Variants in COMMD1 observed in about 807,000 individuals in gnomAD.
COMMD1 encodes COMM domain-containing protein 1.
COMMD1 carries 10 observed loss-of-function variants against 17.2 expected under a neutral mutation model. That is an observed-to-expected ratio of 0.58 (90% confidence interval 0.36 to 0.99). COMMD1 has a LOEUF of 0.99. COMMD1 is among the 50% of genes least tolerant of loss of function. The probability of loss-of-function intolerance (pLI) is 0.01; values close to 1 mark genes in which losing one functional copy is unlikely to be tolerated. For missense variants in COMMD1, 270 were observed against 231.8 expected (o/e 1.17, Z -1.07); for synonymous variants, 97 against 91.6 (o/e 1.06, Z -0.34).
intron 2 of COMMD1, among the ~76,000 whole-genome samples, chr2:62,040,438 T>C (rs1670158063): frequency 6.6e-6 from 1 of 152,192 alleles, no homozygotes; most frequent in African/African-American, 2.4e-5. Flanking sequence ...TTATAAAATA[T>C]ATCTTTTACT....
chr2:61,974,749 G>T (rs6757094), intron 1 of COMMD1, among the ~76,000 whole-genome samples: 18,996 of 151,564 alleles, frequency 0.13, 2,898 homozygotes, highest in African/African-American at 0.36. Flanking sequence ...AAAAACTGAA[G>T]GGAAAATACA....
chr2:61,986,759 AGG>A (rs1395265622), intron 1 of COMMD1, among the ~76,000 whole-genome samples: 2 of 151,534 alleles, frequency 1.3e-5, no homozygotes, highest in Non-Finnish European at 2.9e-5. Flanking sequence ...ATTAGAGACC[AGG>A]TTTTGCCATG....
intron 2 of COMMD1, among the ~76,000 whole-genome samples, chr2:62,090,230 A>G (rs1428149603): frequency 6.6e-5 from 10 of 152,218 alleles, no homozygotes; most frequent in Admixed American, 5.9e-4. Flanking sequence ...CACCATAAAG[A>G]TAGCAAAGAT....
chr2:62,127,283 C>T (rs547940260), intron 2 of COMMD1, among the ~76,000 whole-genome samples: 3 of 152,040 alleles, frequency 2.0e-5, no homozygotes, highest in South Asian at 2.1e-4. Flanking sequence ...ATCAATATTG[C>T]GAAAATGGCC....
At chr2:61,893,167 T>C (rs1372928667) in intron 1 of COMMD1, among the ~76,000 whole-genome samples, 1 of 151,914 alleles carries the variant, frequency 6.6e-6, no homozygotes. Flanking sequence ...ATGCCTGGCC[T>C]CATTCTATGT....
chr2:61,928,837 C>T (rs1670392677), intron 1 of COMMD1: 1 of 152,076 alleles, frequency 6.6e-6, no homozygotes, highest in Non-Finnish European at 1.5e-5. Context: ...TGAAGCAGGT[C>T]CCAAGATCCT....
intron 1 of COMMD1, 139 bp downstream of exon 1, chr2:61,905,997 A>G: frequency 1.2e-6 from 1 of 810,584 alleles, no homozygotes; most frequent in East Asian, 2.6e-5. Flanking sequence ...TGGGCTCCAC[A>G]TCGGGCTCCT....
intron 2 of COMMD1, among the ~76,000 whole-genome samples, chr2:62,125,597 T>TA (rs887343127): frequency 9.9e-5 from 15 of 151,772 alleles, no homozygotes; most frequent in African/African-American, 1.2e-4. Flanking sequence ...AGTTATTGTT[T>TA]AAAAAAAAAC....
chr2:61,962,172 G>C (rs1234782626), intron 1 of COMMD1, among the ~76,000 whole-genome samples: 2 of 152,174 alleles, frequency 1.3e-5, no homozygotes, highest in Non-Finnish European at 2.9e-5. Flanking sequence ...CTTACAGTCA[G>C]TATCTGTTAA....
chr2:61,961,577 T>A (rs957476520), intron 1 of COMMD1, among the ~76,000 whole-genome samples: 1 of 152,200 alleles, frequency 6.6e-6, no homozygotes, highest in African/African-American at 2.4e-5. Flanking sequence ...AAAAGAAGTT[T>A]CCCATTTCTC....
chr2:62,104,172 G>T (rs965621299), intron 2 of COMMD1, among the ~76,000 whole-genome samples: 2 of 152,138 alleles, frequency 1.3e-5, no homozygotes, highest in East Asian at 3.8e-4. Context: ...CTTGTTATAG[G>T]ATAGTAATAT....
chr2:61,985,201 C>T (rs1255082539), intron 1 of COMMD1, among the ~76,000 whole-genome samples: 1 of 152,094 alleles, frequency 6.6e-6, no homozygotes, highest in Non-Finnish European at 1.5e-5. Context: ...CAGGCGCCCA[C>T]CACCACGCCT....
chr2:61,890,417 C>T (rs868483735), intron 1 of COMMD1, among the ~76,000 whole-genome samples: 2 of 152,100 alleles, frequency 1.3e-5, no homozygotes, highest in African/African-American at 4.8e-5. Flanking sequence ...CGGGGTTTCT[C>T]CATGTTGGAC....
Position 62,041,950 on chromosome 2 carries a change from T to C in COMMD1, c.462+40968T>C, listed in dbSNP as rs1042185783. On this transcript the variant is annotated intron_variant, in intron 2 of 2. Transcript: ENST00000311832. ...GAGTGAAAGAACTAAGCTTCCACAC[T>C]GTGGAAGAGGACCTCAGCGGCTTGC... Among the ~76,000 whole-genome samples the C allele has an allele frequency of 7.9e-5, 12 of 152,212 alleles. 1 individual carries two copies. The highest frequency in any genetic ancestry group is 2.9e-4 in the African/African-American group (12 of 41,460).
intron 1 of COMMD1, among the ~76,000 whole-genome samples, chr2:61,972,775 A>G (rs1007602113): frequency 1.3e-5 from 2 of 152,158 alleles, no homozygotes; most frequent in Non-Finnish European, 2.9e-5. Flanking sequence ...CTCATGCATA[A>G]TGTCACATAT....
chr2:62,133,663 T>G (rs913978777), intron 2 of COMMD1, among the ~76,000 whole-genome samples: 1 of 152,146 alleles, frequency 6.6e-6, no homozygotes, highest in African/African-American at 2.4e-5. Context: ...AAGAAGGGTT[T>G]GGTCTTCTAA....
At chr2:61,971,202 G>A (rs1005923019) in intron 1 of COMMD1, among the ~76,000 whole-genome samples, 1 of 152,166 alleles carries the variant, frequency 6.6e-6, no homozygotes, top group Non-Finnish European at 1.5e-5. Context: ...TGCGCAGAGG[G>A]GTGCCTCCTT....
chr2:62,051,939 C>T (rs1409408462), intron 2 of COMMD1, among the ~76,000 whole-genome samples: 1 of 152,218 alleles, frequency 6.6e-6, no homozygotes, highest in Non-Finnish European at 1.5e-5. Context: ...AATGGCTCTT[C>T]AGACATGCCA....
At chr2:62,059,014 G>A (rs539289807) in intron 2 of COMMD1, among the ~76,000 whole-genome samples, 15 of 152,078 alleles carry the variant, frequency 9.9e-5, no homozygotes, top group South Asian at 6.2e-4. Context: ...TCCTGACCTC[G>A]TGATCCACCC....
Sources: allele counts gnomAD v4.1 joint callset (sites outside exome capture counted in the v4.1 genomes callset), GRCh38; gene constraint gnomAD v4.1.1; transcripts MANE v1.5; gene names NCBI Gene and HGNC (gene_info 2026-07-23, HGNC 2026-07-21).